Variants in PLCB1 observed in about 807,000 individuals in gnomAD.
PLCB1 encodes 1-phosphatidylinositol 4,5-bisphosphate phosphodiesterase beta-1.
A neutral mutation model predicts 161.8 loss-of-function variants in PLCB1; 46 were observed. The observed-to-expected ratio is 0.28, with a 90% CI of 0.22 to 0.36. The LOEUF (loss-of-function observed/expected upper bound fraction) is 0.36. Ranked by LOEUF, PLCB1 falls within the 10% of genes least tolerant of loss-of-function variation. The pLI, the probability that PLCB1 is intolerant of heterozygous loss-of-function variation, is 1.00. For synonymous variants in PLCB1, 517 were observed against 503.7 expected (o/e 1.03, Z -0.35); for missense variants, 1,016 against 1,472.5 (o/e 0.69, Z 5.07).
At chr20:8,201,903 A>G (rs2052094858) in intron 2 of PLCB1, among the ~76,000 whole-genome samples, 1 of 152,202 alleles carries the variant, frequency 6.6e-6, no homozygotes, top group South Asian at 2.1e-4. Flanking sequence ...TGAATGAAGA[A>G]GTATAGAGTT....
intron 2 of PLCB1, among the ~76,000 whole-genome samples, chr20:8,215,636 AT>A (rs1201938376): frequency 1.3e-5 from 2 of 151,958 alleles, no homozygotes; most frequent in Non-Finnish European, 2.9e-5. Flanking sequence ...GGTTGTGAAC[AT>A]TTAGAGTTTT....
At chr20:8,692,005 A>C (rs887835296) in intron 10 of PLCB1, among the ~76,000 whole-genome samples, 7 of 152,140 alleles carry the variant, frequency 4.6e-5, no homozygotes, top group Non-Finnish European at 5.9e-5. Flanking sequence ...CCTCTTCATA[A>C]ACCTTCCCAT....
At position 8,592,472 on chromosome 20, in the gene PLCB1, T is replaced by C. The variant is rs558744460; in HGVS notation, c.247-35822T>C. Among the ~76,000 whole-genome samples the C allele has an allele frequency of 9.8e-5, 15 of 152,332 alleles. No homozygotes were observed. In the East Asian group the frequency reaches 2.7e-3, roughly 27 times the overall value. The stretch of plus-strand genomic sequence containing the variant: ...CATGTGGGACATCATGGGGAACCTA[T>C]TGTTGGCATTTCTGGCCAGCATACG... On this transcript the variant is annotated intron_variant, in intron 3 of 31. Coordinates refer to ENST00000338037, the MANE Select transcript of PLCB1 (RefSeq NM_015192.4).
At chr20:8,316,554 A>G (rs1487448204) in intron 2 of PLCB1, among the ~76,000 whole-genome samples, 2 of 152,170 alleles carry the variant, frequency 1.3e-5, no homozygotes, top group African/African-American at 2.4e-5. Context: ...CGAGACTTCT[A>G]TGGCAACTGT....
chr20:8,413,419 G>A (rs534571961), intron 3 of PLCB1, among the ~76,000 whole-genome samples: 12 of 152,258 alleles, frequency 7.9e-5, no homozygotes, highest in African/African-American at 2.6e-4. Context: ...TGAGCAGTCT[G>A]GATTTTTCTT....
At chr20:8,422,308 G>A (rs778462694) in intron 3 of PLCB1, among the ~76,000 whole-genome samples, 1 of 152,176 alleles carries the variant, frequency 6.6e-6, no homozygotes. Flanking sequence ...TTGCAGCTTG[G>A]CTTTCAAATA....
chr20:8,880,531 A>C (rs982035911), intron 31 of PLCB1, among the ~76,000 whole-genome samples: 3 of 152,206 alleles, frequency 2.0e-5, no homozygotes, highest in Non-Finnish European at 2.9e-5. Flanking sequence ...ATCAAAATAA[A>C]GTGGTGGCAA....
intron 2 of PLCB1, among the ~76,000 whole-genome samples, chr20:8,294,481 C>T (rs1251153816): frequency 6.6e-6 from 1 of 151,772 alleles, no homozygotes; most frequent in East Asian, 1.9e-4. Context: ...TATATATACA[C>T]ATACTTACAC....
intron 3 of PLCB1, among the ~76,000 whole-genome samples, chr20:8,538,201 C>T (rs1454042016): frequency 1.3e-5 from 2 of 152,032 alleles, no homozygotes; most frequent in Non-Finnish European, 2.9e-5. Flanking sequence ...GAAATATTCA[C>T]ATATCTTATG....
At position 8,825,696 on chromosome 20, in the gene PLCB1, G is replaced by C. The variant is rs140075044; in HGVS notation, c.3423+35435G>C. 1.9e-4 allele frequency among the ~76,000 whole-genome samples: 29 copies of C among 152,336 alleles called. 1 individual carries two copies. In the East Asian group the frequency reaches 5.6e-3, roughly 29 times the overall value. ...CTGGCTGAAGGTAGTGATATGATCA[G>C]ATTTAGACTTTGAAAATATTTTTAT... is the stretch of plus-strand genomic sequence containing the variant. On this transcript the variant is annotated intron_variant, in intron 31 of 31. Transcript: ENST00000338037.
chr20:8,375,815 G>A (rs1472809807), intron 3 of PLCB1, among the ~76,000 whole-genome samples: 2 of 152,038 alleles, frequency 1.3e-5, no homozygotes, highest in Admixed American at 6.5e-5. Context: ...GTTAGCCCTT[G>A]ATTCCAGCTT....
chr20:8,322,723 T>A (rs1175068783), intron 2 of PLCB1, among the ~76,000 whole-genome samples: 4 of 152,156 alleles, frequency 2.6e-5, no homozygotes, highest in East Asian at 3.9e-4. Flanking sequence ...AGTGAAAGAA[T>A]GCAGAAATTT....
At chr20:8,539,711 T>TCC (rs71183095) in intron 3 of PLCB1, among the ~76,000 whole-genome samples, 12 of 150,246 alleles carry the variant, frequency 8.0e-5, no homozygotes, top group Non-Finnish European at 1.0e-4. Context: ...CTTCCTTCCT[T>TCC]TCTTTTCCTT....
At chr20:8,329,087 A>C (rs1985267815) in intron 2 of PLCB1, among the ~76,000 whole-genome samples, 1 of 152,198 alleles carries the variant, frequency 6.6e-6, no homozygotes, top group Non-Finnish European at 1.5e-5. Flanking sequence ...TAAATGACAA[A>C]ATTTAATTCT....
intron 3 of PLCB1, among the ~76,000 whole-genome samples, chr20:8,562,410 C>T (rs965241857): frequency 6.6e-6 from 1 of 152,012 alleles, no homozygotes; most frequent in Non-Finnish European, 1.5e-5. Context: ...CCAGGTAAGG[C>T]AAAAATGTGC....
intron 2 of PLCB1, among the ~76,000 whole-genome samples, chr20:8,282,702 T>A (rs895133284): frequency 3.9e-5 from 6 of 152,202 alleles, no homozygotes; most frequent in Non-Finnish European, 7.3e-5. Flanking sequence ...GGTTGGTAGA[T>A]GTTTTTCTTG....
chr20:8,321,097 T>TA (rs1984900928), intron 2 of PLCB1, among the ~76,000 whole-genome samples: 1 of 152,192 alleles, frequency 6.6e-6, no homozygotes, highest in African/African-American at 2.4e-5. Flanking sequence ...GTTCGGCTCA[T>TA]ACTCTGTACT....
intron 3 of PLCB1, among the ~76,000 whole-genome samples, chr20:8,492,191 A>T (rs1982974011): frequency 6.6e-6 from 1 of 151,244 alleles, no homozygotes; most frequent in Non-Finnish European, 1.5e-5. Context: ...TTTTTTTTCA[A>T]CCAGCCCCTC....
At chr20:8,706,869 A>G (rs940947401) in intron 11 of PLCB1, among the ~76,000 whole-genome samples, 2 of 152,188 alleles carry the variant, frequency 1.3e-5, no homozygotes, top group East Asian at 1.9e-4. Flanking sequence ...TCTTCACAAC[A>G]GATCTGTGAA....
Sources: gnomAD v4.1 joint callset for allele counts (sites outside exome capture counted in the v4.1 genomes callset) on GRCh38, gnomAD v4.1.1 for gene constraint, MANE v1.5 for transcripts, NCBI Gene and HGNC (gene_info 2026-07-23, HGNC 2026-07-21) for gene names.